The following ABR variants were observed in gnomAD, a reference collection of about 807,000 sequenced individuals.
ABR encodes active breakpoint cluster region-related protein.
A neutral mutation model predicts 107.2 loss-of-function variants in ABR; 35 were observed. The observed-to-expected ratio is 0.33, with a 90% confidence interval of 0.25 to 0.43. The LOEUF (loss-of-function observed/expected upper bound fraction) is 0.43. Among genes scored for constraint, ABR ranks in the 20% least tolerant of loss-of-function variants. The pLI is 1.00. For synonymous variants in ABR, 498 were observed against 462.0 expected, an observed-to-expected ratio of 1.08 and a Z score of -1.00; for missense variants, 815 against 1,115.2, an observed-to-expected ratio of 0.73 and a Z score of 3.83.
intron 2 of ABR, among the ~76,000 whole-genome samples, chr17:1,116,376 C>T (rs115282119): frequency 7.2e-4 from 110 of 152,320 alleles, no homozygotes; most frequent in African/African-American, 2.5e-3. Flanking sequence ...AACTGTGTGA[C>T]CTGGGCATGT....
chr17:1,213,458 C>A (rs943175763), intron 1 of ABR, among the ~76,000 whole-genome samples: 1 of 151,126 alleles, frequency 6.6e-6, no homozygotes, highest in African/African-American at 2.4e-5. Flanking sequence ...GGTGCAATCT[C>A]GGCTCACTGC....
At chr17:1,022,106 CAAAAAAA>C (rs759234729) in intron 16 of ABR, among the ~76,000 whole-genome samples, 2 of 39,230 alleles carry the variant, frequency 5.1e-5, no homozygotes, top group Non-Finnish European at 8.8e-5. Flanking sequence ...GACTCTGTCT[CAAAAAAA>C]AAAAAAAAAA....
intron 1 of ABR, among the ~76,000 whole-genome samples, chr17:1,195,391 C>T (rs567373395): frequency 2.0e-5 from 3 of 151,630 alleles, no homozygotes; most frequent in South Asian, 2.1e-4. Flanking sequence ...CCATCAGGCC[C>T]GGCCCTTAAG....
intron 1 of ABR, among the ~76,000 whole-genome samples, chr17:1,176,716 A>G: frequency 6.6e-6 from 1 of 151,998 alleles, no homozygotes; most frequent in Non-Finnish European, 1.5e-5. Context: ...TTGTGGTGGC[A>G]GGCGCCCATA....
At chr17:1,101,868 G>A (rs1018438108) in intron 2 of ABR, among the ~76,000 whole-genome samples, 4 of 151,978 alleles carry the variant, frequency 2.6e-5, no homozygotes, top group Non-Finnish European at 5.9e-5. Flanking sequence ...CGAGTAGCTG[G>A]GACTACAGGC....
intron 1 of ABR, among the ~76,000 whole-genome samples, chr17:1,162,394 C>T (rs2041336496): frequency 6.6e-6 from 1 of 152,218 alleles, no homozygotes; most frequent in Admixed American, 6.5e-5. Flanking sequence ...GATCCCCTCT[C>T]CCTGCTTCTC....
At chr17:1,177,500 A>C (rs1275475969) in intron 1 of ABR, among the ~76,000 whole-genome samples, 1 of 152,210 alleles carries the variant, frequency 6.6e-6, no homozygotes, top group African/African-American at 2.4e-5. Flanking sequence ...CCTTGGCCTA[A>C]TTCCCTTTTC....
intron 1 of ABR, among the ~76,000 whole-genome samples, chr17:1,227,110 T>G (rs2043236382): frequency 6.6e-6 from 1 of 152,176 alleles, no homozygotes; most frequent in African/African-American, 2.4e-5. Flanking sequence ...AGGTGACTCT[T>G]GTTATCATTG....
At chr17:1,195,240 G>C (rs992098331) in intron 1 of ABR, among the ~76,000 whole-genome samples, 10 of 139,690 alleles carry the variant, frequency 7.2e-5, no homozygotes, top group African/African-American at 2.5e-4. Context: ...CCGGAAGGCG[G>C]AGCTTGCAGT....
intron 1 of ABR, among the ~76,000 whole-genome samples, chr17:1,195,093 G>A: frequency 6.9e-6 from 1 of 145,084 alleles, no homozygotes; most frequent in African/African-American, 2.5e-5. Flanking sequence ...GGATCACGAG[G>A]TCAGGAGATC....
At chr17:1,057,788 C>T (rs1192807388) in intron 12 of ABR, 182 bp downstream of exon 12, 20 of 581,326 alleles carry the variant, frequency 3.4e-5, no homozygotes, top group Non-Finnish European at 5.6e-5. Context: ...TGTCTTTCAG[C>T]CAATCAGTTA....
At chr17:1,023,199 G>A (rs539442179) in intron 16 of ABR, among the ~76,000 whole-genome samples, 16 of 152,234 alleles carry the variant, frequency 1.1e-4, no homozygotes, top group South Asian at 4.1e-4. Context: ...CCGGCCCCAC[G>A]TCCACTCCAG....
At chr17:1,063,892 C>T (rs2440750) in intron 10 of ABR, among the ~76,000 whole-genome samples, 186 of 136,774 alleles carry the variant, frequency 1.4e-3, no homozygotes, top group Admixed American at 2.9e-3. Context: ...CATGTTCCTC[C>T]AGACACTGTT....
rs2069808386 is a variant in ABR, at chr17:1,003,532, A to AATG, written c.*2545_*2547dup. On this transcript the variant is annotated 3_prime_UTR_variant, in exon 23 of 23. Coordinates refer to ENST00000302538, the MANE Select transcript of ABR (RefSeq NM_021962.5). ...ACACCACAGGGCTGAGTTTTGTGCAAATGATGGGGCTTTGCATTTTTTATT... is the reference window on the plus strand; with the variant it reads ...ACACCACAGGGCTGAGTTTTGTGCAAATGATGATGGGGCTTTGCATTTTTTATT... 1 of 152,598 alleles carries AATG rather than the reference A, an allele frequency of 6.6e-6. No homozygotes were observed. The highest frequency in any genetic ancestry group is 1.5e-5 in the Non-Finnish European group (1 of 68,032). The allele number at this position is 152,598 out of a possible 1,614,324, so 9.5% of individuals were successfully genotyped here.
chr17:1,069,195 A>G lies in ABR; in HGVS notation c.1016+774T>C, dbSNP rs1017310514. ...AGTGATTACGACTGTGTGAAGAAAC[A>G]TGAGAACATTTAAAAACAGGGAAGG... On this transcript the variant is annotated intron_variant, in intron 9 of 22. Transcript: ENST00000302538. 2.0e-5 allele frequency among the ~76,000 whole-genome samples: 3 copies of G among 152,184 alleles called. No homozygotes were observed. The South Asian group carries it at 6.2e-4, about 31-fold the overall frequency.
At position 1,092,717 on chromosome 17, in the gene ABR, A is replaced by C. The variant is rs1324712905; in HGVS notation, c.346-867T>G. Among the ~76,000 whole-genome samples, 2 of 150,858 alleles carry C rather than the reference A, an allele frequency of 1.3e-5. No homozygotes were observed. Among genetic ancestry groups the C allele is most frequent in the East Asian group, 3.9e-4 (2 of 5,116 alleles). On this transcript the variant is annotated intron_variant, in intron 3 of 22. Coordinates refer to ENST00000302538, the MANE Select transcript of ABR (RefSeq NM_021962.5). This position sits in a 1 kb window ranked among gnomAD's most constrained non-coding sequence, Gnocchi z 4.6. ...ATGAATAATCAGAAAAAAAAAAACCAAAGATGACCAGGCTGTACTGCAAAG... is the reference window on the plus strand; with the variant it reads ...ATGAATAATCAGAAAAAAAAAAACCCAAGATGACCAGGCTGTACTGCAAAG...
intron 1 of ABR, among the ~76,000 whole-genome samples, chr17:1,195,315 A>AAAAAAAAAAC (rs2042536724): frequency 4.1e-5 from 6 of 145,874 alleles, no homozygotes; most frequent in African/African-American, 1.2e-4. Context: ...AAAAAAAAAA[A>AAAAAAAAAAC]AAAGTCCTGG....
At position 1,037,058 on chromosome 17, in the gene ABR, C is replaced by T. The variant is rs543907576; in HGVS notation, c.1791+12992G>A. 1.2e-3 allele frequency among the ~76,000 whole-genome samples: 154 copies of T among 127,528 alleles called. 5 individuals carry two copies. The East Asian group carries it at 0.031, about 26-fold the overall frequency. 83.7% of individuals were successfully genotyped at this position (127,528 alleles called of 152,430 possible). A position where few individuals can be genotyped will look rare whatever the true frequency, so the allele number is the denominator to read the frequency against. The stretch of plus-strand genomic sequence containing the variant: ...ATCCACCCATCCATCCATCCATCCA[C>T]CCATCCATCCACCCACCCACCCATC... On this transcript the variant is annotated intron_variant, in intron 16 of 22. Transcript: ENST00000302538. The surrounding 1 kb of genome is among the most constrained non-coding windows in gnomAD (Gnocchi z 4.6).
At chr17:1,058,495 T>C (rs372050420) in intron 11 of ABR, among the ~76,000 whole-genome samples, 12 of 146,780 alleles carry the variant, frequency 8.2e-5, no homozygotes, top group African/African-American at 3.0e-4. Flanking sequence ...CAGCTGGGGG[T>C]GGGTGGGTGA....
Sources: gnomAD v4.1 joint callset for allele counts (sites outside exome capture counted in the v4.1 genomes callset) on GRCh38, gnomAD v4.1.1 for gene constraint, Gnocchi (gnomAD v3.1) non-coding constraint, MANE v1.5 for transcripts, NCBI Gene and HGNC (gene_info 2026-07-23, HGNC 2026-07-21) for gene names.